KLF15: variants seen among roughly 807,000 people sequenced by gnomAD.
KLF15 encodes KLF transcription factor 15.
KLF15 carries 4 observed loss-of-function variants against 24.6 expected under a neutral mutation model. The ratio of observed to expected loss-of-function variants is 0.16; its 90% CI spans 0.08 to 0.37. KLF15 has a LOEUF of 0.37. Ranked by LOEUF, KLF15 falls within the 10% of genes least tolerant of loss-of-function variation. The pLI is 1.00. For synonymous variants in KLF15, 246 were observed against 236.3 expected (o/e 1.04, Z -0.37); for missense variants, 496 against 560.6 (o/e 0.88, Z 1.16).
chr3:126,345,902 C>T (rs1239932916), intron 2 of KLF15, among the ~76,000 whole-genome samples: 1 of 152,134 alleles, frequency 6.6e-6, no homozygotes, highest in Non-Finnish European at 1.5e-5. Flanking sequence ...CTAGGTGAAG[C>T]CCAACTGCCC....
At chr3:126,314,520 T>C in the KLF15 span, among the ~76,000 whole-genome samples, 1 of 152,274 alleles carries the variant, frequency 6.6e-6, no homozygotes, top group East Asian at 1.9e-4. Context: ...GACCCACACG[T>C]GTTCCCAGGT....
the KLF15 span, among the ~76,000 whole-genome samples, chr3:126,312,235 T>C: frequency 6.6e-6 from 1 of 152,102 alleles, no homozygotes; most frequent in Non-Finnish European, 1.5e-5. Context: ...TGGAGTAGAG[T>C]GATGCAAGGC....
chr3:126,352,351 C>A lies in KLF15; in HGVS notation c.572G>T (p.Arg191Leu). The A allele has an allele frequency of 6.3e-7, 1 of 1,596,648 alleles. No individual in the cohort carries two copies. The highest frequency in any genetic ancestry group is 8.5e-7 in the Non-Finnish European group (1 of 1,172,246). Residue 191 changes from arginine (R) to leucine (L), a missense_variant, in exon 2 of 3, where the codon CGC becomes CTC. Transcript: ENST00000296233. ...HLHPGSSGRE[R>L]CSPPPGGASA... ...GGCACCACCTGGTGGAGGGGAACAG[C>A]GCTCTCTCCCGCTGGACCCAGGATG... is the stretch of plus-strand genomic sequence containing the variant.
In KLF15 at chr3:126,343,554, A is replaced by T. The variant is rs2082500761; in HGVS notation, c.*173T>A. On this transcript the variant is annotated 3_prime_UTR_variant, in exon 3 of 3. Transcript: ENST00000296233. ...GGGACGCGGGTTCGAGGCTCTAAGT[A>T]CTCCCGAGAAAGGCAGCGGTTGGCG... The T allele has an allele frequency of 4.8e-6, 3 of 630,672 alleles. No homozygotes were observed. The highest frequency in any genetic ancestry group is 3.5e-5 in the Admixed American group (1 of 28,554). 39.1% of individuals were successfully genotyped at this position (630,672 alleles called of 1,614,324 possible).
At chr3:126,299,813 C>T in the KLF15 span, among the ~76,000 whole-genome samples, 28 of 150,530 alleles carry the variant, frequency 1.9e-4, no homozygotes, top group African/African-American at 4.7e-4. Flanking sequence ...GATGACCACG[C>T]GAGGTCACAG....
Position 126,343,861 on chromosome 3 carries a change from GC to G in KLF15, c.1116del (p.Arg372SerfsTer7). The G allele has an allele frequency of 6.2e-7, 1 of 1,602,390 alleles. No individual in the cohort carries two copies. Among genetic ancestry groups the G allele is most frequent in the Non-Finnish European group, 8.5e-7 (1 of 1,175,974 alleles). On this transcript the variant is annotated frameshift_variant, in exon 3 of 3. Transcript: ENST00000296233. LOFTEE classifies it high-confidence loss of function. The part of the protein sequence containing the change: ...FSRSDELSRH[R>X]RSHSGVKPYQ... Reference sequence around the variant, plus strand: ...TACGGCTTCACACCTGAGTGCGAGCGCCTGTGCCGCGACAGCTCGTCAGAGC... The same window carrying G: ...TACGGCTTCACACCTGAGTGCGAGCGCTGTGCCGCGACAGCTCGTCAGAGC...
chr3:126,299,849 A>T, the KLF15 span, among the ~76,000 whole-genome samples: 2 of 151,754 alleles, frequency 1.3e-5, no homozygotes, highest in Admixed American at 1.3e-4. Context: ...CTGCAAGCCA[A>T]GGAGAGAGGC....
In KLF15 at chr3:126,343,219, G is replaced by GAGC. The variant is rs2082496411; in HGVS notation, c.*505_*507dup. 8.3e-6 allele frequency: 1 copy of GAGC among 120,600 alleles called. No homozygotes were observed. The highest frequency in any genetic ancestry group is 1.7e-5 in the Non-Finnish European group (1 of 59,726). 7.5% of individuals were successfully genotyped at this position (120,600 alleles called of 1,614,324 possible). On this transcript the variant is annotated 3_prime_UTR_variant, in exon 3 of 3. Coordinates refer to ENST00000296233, the MANE Select transcript of KLF15 (RefSeq NM_014079.4). The stretch of plus-strand genomic sequence containing the variant: ...GCCCACACCCTCTGGTGATCATGCT[G>GAGC]AGCAGGCATCTTAGACAAAGCCACC...
rs1039544745 is a variant in KLF15 at position 126,355,537 on chromosome 3, C to T, written c.-26+1700G>A. Among the ~76,000 whole-genome samples the T allele has an allele frequency of 6.6e-5, 10 of 152,368 alleles. No homozygotes were observed. The East Asian group carries it at 1.9e-3, about 29-fold the overall frequency. On this transcript the variant is annotated intron_variant, in intron 1 of 2. Transcript: ENST00000296233. ...TCACCCCTGTGGGGGCCTCCAGGCC[C>T]ACTCTGTTACATCATCCTATATTAT...
At chr3:126,301,621 T>C in the KLF15 span, among the ~76,000 whole-genome samples, 2 of 149,406 alleles carry the variant, frequency 1.3e-5, no homozygotes, top group African/African-American at 4.9e-5. Context: ...TTTTTTTTTT[T>C]TTTTTTTTCT....
the KLF15 span, among the ~76,000 whole-genome samples, chr3:126,296,099 A>G: frequency 2.6e-5 from 4 of 152,232 alleles, no homozygotes; most frequent in Non-Finnish European, 4.4e-5. Flanking sequence ...TATTATTTAA[A>G]TATTGCATAA....
At chr3:126,294,817 T>C in the KLF15 span, among the ~76,000 whole-genome samples, 7 of 151,470 alleles carry the variant, frequency 4.6e-5, no homozygotes, top group African/African-American at 1.7e-4. Flanking sequence ...TGTCAGAGCC[T>C]CTCTACTTCT....
chr3:126,329,773 A>G, the KLF15 span, among the ~76,000 whole-genome samples: 5 of 151,862 alleles, frequency 3.3e-5, no homozygotes, highest in Non-Finnish European at 7.4e-5. Flanking sequence ...AAAAAAAAAA[A>G]AAGGTAAGCA....
downstream of KLF15, among the ~76,000 whole-genome samples, chr3:126,342,346 A>G (rs950228924): frequency 6.6e-6 from 1 of 152,202 alleles, no homozygotes; most frequent in Non-Finnish European, 1.5e-5. Flanking sequence ...AGGACTGGCC[A>G]GGCCTGAGGC....
chr3:126,337,825 G>A (rs558887912), downstream of KLF15, among the ~76,000 whole-genome samples: 108 of 152,268 alleles, frequency 7.1e-4, no homozygotes, highest in African/African-American at 2.5e-3. Context: ...CTTATGGGGA[G>A]TCTGGCTCTA....
the KLF15 span, among the ~76,000 whole-genome samples, chr3:126,310,026 C>G: frequency 6.6e-6 from 1 of 152,248 alleles, no homozygotes; most frequent in Non-Finnish European, 1.5e-5. Flanking sequence ...GGTTGGAAGG[C>G]CAAGGCCAAG....
chr3:126,340,211 T>C (rs1175640997), downstream of KLF15, among the ~76,000 whole-genome samples: 3 of 152,262 alleles, frequency 2.0e-5, no homozygotes, highest in African/African-American at 7.2e-5. Context: ...GTGCCCCACA[T>C]TCCAGCTGTG....
the KLF15 span, among the ~76,000 whole-genome samples, chr3:126,298,302 G>GTT: frequency 2.1e-5 from 3 of 140,270 alleles, no homozygotes; most frequent in Admixed American, 7.1e-5. Flanking sequence ...GGATTATTAG[G>GTT]TTTTTTTTTT....
At chr3:126,357,040 G>A (rs537468667) in intron 1 of KLF15, among the ~76,000 whole-genome samples, 197 bp downstream of exon 1, 31 of 151,552 alleles carry the variant, frequency 2.0e-4, no homozygotes, top group African/African-American at 7.5e-4. Context: ...GGCGGGGGGG[G>A]TCACCTCCCC....
Sources: gnomAD v4.1 joint callset for allele counts (sites outside exome capture counted in the v4.1 genomes callset) on GRCh38, gnomAD v4.1.1 for gene constraint, MANE v1.5 for transcripts, NCBI Gene and HGNC (gene_info 2026-07-23, HGNC 2026-07-21) for gene names.